Variants in WWOX observed in about 807,000 individuals in gnomAD.
The protein encoded by WWOX is WW domain containing oxidoreductase.
A neutral mutation model predicts 46.2 loss-of-function variants in WWOX; 69 were observed. The ratio of observed to expected loss-of-function variants is 1.49; its 90% CI spans 1.23 to 1.82. The LOEUF (loss-of-function observed/expected upper bound fraction) is 1.82. Ranked by LOEUF, WWOX falls within the 40% of genes most tolerant of loss-of-function variation. The probability of loss-of-function intolerance (pLI) is 0.00; values close to 1 mark genes in which losing one functional copy is unlikely to be tolerated. For missense variants in WWOX, 919 were observed against 542.6 expected (o/e 1.69, Z -6.89); for synonymous variants, 359 against 202.6 (o/e 1.77, Z -6.56).
chr16:79,182,538 G>A (rs371666050), intron 8 of WWOX, among the ~76,000 whole-genome samples: 26 of 152,018 alleles, frequency 1.7e-4, no homozygotes, highest in African/African-American at 2.4e-4. Context: ...AGTAATTAGC[G>A]GGGCCTGTTA....
chr16:78,597,241 A>G (rs1017689330), intron 8 of WWOX, among the ~76,000 whole-genome samples: 3 of 152,202 alleles, frequency 2.0e-5, no homozygotes, highest in African/African-American at 7.2e-5. Flanking sequence ...TGCTGTTTCC[A>G]TTGCTTTTTC....
At chr16:78,856,290 C>T (rs923873149) in intron 8 of WWOX, among the ~76,000 whole-genome samples, 8 of 152,144 alleles carry the variant, frequency 5.3e-5, no homozygotes, top group Non-Finnish European at 1.2e-4. Context: ...CAAGTAGGGG[C>T]ACCGAAAGCT....
chr16:78,674,873 G>C (rs957501638), intron 8 of WWOX, among the ~76,000 whole-genome samples: 1 of 150,550 alleles, frequency 6.6e-6, no homozygotes, highest in Non-Finnish European at 1.5e-5. Context: ...GATAAAGTCA[G>C]TATACAATGT....
chr16:78,264,016 G>GTTTTTTT (rs1567466234), intron 5 of WWOX, among the ~76,000 whole-genome samples: 2 of 100,960 alleles, frequency 2.0e-5, no homozygotes, highest in African/African-American at 3.9e-5. Context: ...TTTTTTTTTT[G>GTTTTTTT]TTTTTTTGCT....
At chr16:78,724,331 G>C (rs1009038854) in intron 8 of WWOX, among the ~76,000 whole-genome samples, 6 of 152,110 alleles carry the variant, frequency 3.9e-5, no homozygotes, top group African/African-American at 4.8e-5. Context: ...GCATAAAAAA[G>C]AGACAGTTTT....
chr16:78,663,438 C>T (rs925478832), intron 8 of WWOX, among the ~76,000 whole-genome samples: 4 of 152,040 alleles, frequency 2.6e-5, no homozygotes, highest in Admixed American at 1.3e-4. Context: ...CATGTCATTC[C>T]CACTTTCTGG....
intron 5 of WWOX, among the ~76,000 whole-genome samples, chr16:78,319,227 G>A (rs1597477316): frequency 6.6e-6 from 1 of 152,028 alleles, no homozygotes; most frequent in African/African-American, 2.4e-5. Context: ...AAAAGGCAAT[G>A]AGATGGATTC....
chr16:78,599,316 A>G (rs1181434569), intron 8 of WWOX, among the ~76,000 whole-genome samples: 2 of 152,144 alleles, frequency 1.3e-5, no homozygotes, highest in Non-Finnish European at 2.9e-5. Flanking sequence ...TAATTAATCA[A>G]TCCACAGACA....
At chr16:78,992,891 T>C (rs950120785) in intron 8 of WWOX, among the ~76,000 whole-genome samples, 1 of 152,138 alleles carries the variant, frequency 6.6e-6, no homozygotes, top group Non-Finnish European at 1.5e-5. Context: ...AAATTTCCAA[T>C]TTTTTAGTTT....
rs562064978 is a variant in WWOX, at chr16:78,860,625, A to T, written c.1057-350983A>T. Among the ~76,000 whole-genome samples the T allele has an allele frequency of 7.9e-5, 12 of 152,346 alleles. No individual in the cohort carries two copies. The East Asian group carries it at 2.1e-3, about 27-fold the overall frequency. ...TATCGTGGAGAAGGTAAGGCAACAAACACAAAATAAATACTTCATATAAGT... is the reference window on the plus strand; with the variant it reads ...TATCGTGGAGAAGGTAAGGCAACAATCACAAAATAAATACTTCATATAAGT... On this transcript the variant is annotated intron_variant, in intron 8 of 8. Coordinates refer to ENST00000566780, the MANE Select transcript of WWOX (RefSeq NM_016373.4).
intron 8 of WWOX, among the ~76,000 whole-genome samples, chr16:78,705,610 A>T (rs2048312734): frequency 6.6e-6 from 1 of 152,216 alleles, no homozygotes; most frequent in African/African-American, 2.4e-5. Flanking sequence ...ACTTAAAGTA[A>T]CAGAAAAGGA....
intron 5 of WWOX, among the ~76,000 whole-genome samples, chr16:78,300,130 A>G (rs1302760030): frequency 6.6e-6 from 1 of 152,186 alleles, no homozygotes; most frequent in Non-Finnish European, 1.5e-5. Context: ...CAGAATCATG[A>G]AGTCTGTTCA....
At chr16:78,134,735 C>T (rs547858019) in intron 4 of WWOX, among the ~76,000 whole-genome samples, 1 of 152,144 alleles carries the variant, frequency 6.6e-6, no homozygotes, top group South Asian at 2.1e-4. Context: ...GTGTTGTTTG[C>T]AATTAATGGC....
chr16:78,812,809 C>G (rs977461593), intron 8 of WWOX, among the ~76,000 whole-genome samples: 1 of 152,112 alleles, frequency 6.6e-6, no homozygotes, highest in Non-Finnish European at 1.5e-5. Context: ...AAACTAAAGA[C>G]CCCATGTTTG....
intron 8 of WWOX, among the ~76,000 whole-genome samples, chr16:78,736,821 CT>C (rs1266787929): frequency 1.3e-5 from 2 of 152,126 alleles, no homozygotes; most frequent in African/African-American, 2.4e-5. Context: ...CTTGCCCTGG[CT>C]GGTCTCAAAC....
intron 8 of WWOX, among the ~76,000 whole-genome samples, chr16:78,909,116 C>T (rs553971945): frequency 3.9e-5 from 6 of 152,328 alleles, no homozygotes; most frequent in African/African-American, 1.4e-4. Context: ...TTGAACAAGA[C>T]AGCCTGGAGG....
chr16:78,760,949 C>G (rs906743476), intron 8 of WWOX, among the ~76,000 whole-genome samples: 25 of 152,120 alleles, frequency 1.6e-4, no homozygotes, highest in African/African-American at 4.3e-4. Flanking sequence ...CAGGGAAACT[C>G]CGCTTTATAA....
rs181208270 is a variant in WWOX, at chr16:79,108,979, A to G, written c.1057-102629A>G. ...AATACTTGGTCATCTGAGCAACATT[A>G]TCCTTCTTCTCCCCATCAGCCTGGC... On this transcript the variant is annotated intron_variant, in intron 8 of 8. Transcript: ENST00000566780. 5.9e-5 allele frequency among the ~76,000 whole-genome samples: 9 copies of G among 151,724 alleles called. No individual in the cohort carries two copies. The East Asian group carries it at 1.7e-3, about 29-fold the overall frequency.
In WWOX at chr16:78,798,521, A is replaced by G. The variant is rs557425300; in HGVS notation, c.1056+365769A>G. Among the ~76,000 whole-genome samples the G allele has an allele frequency of 6.6e-5, 10 of 151,864 alleles. No homozygotes were observed. The South Asian group carries it at 2.1e-3, about 32-fold the overall frequency. On this transcript the variant is annotated intron_variant, in intron 8 of 8. Coordinates refer to ENST00000566780, the MANE Select transcript of WWOX (RefSeq NM_016373.4). The stretch of plus-strand genomic sequence containing the variant: ...GCCTGTACTTGAGTCCTTAGACAGA[A>G]AGCATCTTATCATTCACAAGCTTAG...
Sources: allele counts gnomAD v4.1 joint callset (sites outside exome capture counted in the v4.1 genomes callset), GRCh38; gene constraint gnomAD v4.1.1; transcripts MANE v1.5; gene names NCBI Gene and HGNC (gene_info 2026-07-23, HGNC 2026-07-21).